COPG2: variants seen among roughly 807,000 people sequenced by gnomAD.
The protein encoded by COPG2 is coatomer subunit gamma-2.
In COPG2, 37 loss-of-function variants were observed where a neutral mutation model predicts 46.3. The observed-to-expected ratio is 0.80, with a 90% confidence interval of 0.61 to 1.05. COPG2 has a LOEUF of 1.05. COPG2 is among the 50% of genes least tolerant of loss of function. The pLI is 0.00. For missense variants in COPG2, 427 were observed against 387.8 expected, an observed-to-expected ratio of 1.10 and a Z score of -0.85; for synonymous variants, 159 against 129.7, an observed-to-expected ratio of 1.23 and a Z score of -1.53.
At chr7:130,524,431 T>G (rs1799755329) in intron 20 of COPG2, among the ~76,000 whole-genome samples, 1 of 152,098 alleles carries the variant, frequency 6.6e-6, no homozygotes, top group Admixed American at 6.6e-5. Context: ...CCCCAGGGGC[T>G]GACTGCTGGG....
intron 9 of COPG2, among the ~76,000 whole-genome samples, chr7:130,565,160 T>A (rs1376541971): frequency 6.6e-6 from 1 of 152,230 alleles, no homozygotes; most frequent in Non-Finnish European, 1.5e-5. Context: ...CTCCGCTCTC[T>A]AACCTTTGCT....
intron 20 of COPG2, chr7:130,509,040 CA>C (rs147902319): frequency 9.6e-4 from 393 of 410,262 alleles, no homozygotes; most frequent in East Asian, 2.2e-3. Flanking sequence ...AAAAAAAAAA[CA>C]AAAAAAAAAC....
At chr7:130,597,026 C>T (rs1794541384) in intron 9 of COPG2, among the ~76,000 whole-genome samples, 1 of 152,202 alleles carries the variant, frequency 6.6e-6, no homozygotes, top group South Asian at 2.1e-4. Flanking sequence ...CTTCACGGCT[C>T]TTTATCAGAA....
intron 5 of COPG2, among the ~76,000 whole-genome samples, chr7:130,649,826 T>C (rs1795701871): frequency 1.3e-5 from 2 of 152,234 alleles, no homozygotes; most frequent in Non-Finnish European, 2.9e-5. Context: ...TTTTTAGGTA[T>C]TTGTTACGGC....
intron 21 of COPG2, chr7:130,508,331 AAG>A (rs1424190331): frequency 2.4e-6 from 1 of 411,452 alleles, no homozygotes; most frequent in Non-Finnish European, 4.3e-6. Context: ...AAAGAAAAAA[AAG>A]GGTGAGTTTG....
intron 20 of COPG2, chr7:130,510,068 A>G: frequency 3.8e-6 from 2 of 519,928 alleles, no homozygotes; most frequent in Non-Finnish European, 3.8e-6. Flanking sequence ...TTGTATTTCA[A>G]ATGATTTTCC....
At chr7:130,540,264 A>C (rs1309404358) in intron 20 of COPG2, among the ~76,000 whole-genome samples, 2 of 152,264 alleles carry the variant, frequency 1.3e-5, no homozygotes, top group African/African-American at 4.8e-5. Flanking sequence ...TAGCCGTCTA[A>C]ATCCACCGAA....
At position 130,593,951 on chromosome 7, in the gene COPG2, T is replaced by TA. The variant is rs372355427; in HGVS notation, c.737+17001dup. Among the ~76,000 whole-genome samples the TA allele has an allele frequency of 3.5e-3, 528 of 152,232 alleles. 2 individuals are homozygous for TA. The highest frequency in any genetic ancestry group is 0.012 in the African/African-American group (501 of 41,546). On this transcript the variant is annotated intron_variant, in intron 9 of 23. Transcript: ENST00000425248. Reference sequence around the variant, plus strand: ...CTGATAAATGTGACTACCTTACACTTACGGAGCTCTGTTCATCAAAAGACA... The same window carrying TA: ...CTGATAAATGTGACTACCTTACACTTAACGGAGCTCTGTTCATCAAAAGACA...
chr7:130,642,645 G>C (rs1795515872), intron 5 of COPG2, among the ~76,000 whole-genome samples: 1 of 152,132 alleles, frequency 6.6e-6, no homozygotes, highest in Non-Finnish European at 1.5e-5. Flanking sequence ...CTTCTTCTTT[G>C]ATGAGCATTT....
intron 5 of COPG2, among the ~76,000 whole-genome samples, chr7:130,632,823 C>A (rs1795256363): frequency 6.6e-6 from 1 of 151,994 alleles, no homozygotes; most frequent in African/African-American, 2.4e-5. Context: ...TATACATGTG[C>A]CACGGTGGTT....
intron 20 of COPG2, among the ~76,000 whole-genome samples, chr7:130,538,510 G>C (rs1799906279): frequency 6.6e-6 from 1 of 152,134 alleles, no homozygotes; most frequent in Non-Finnish European, 1.5e-5. Context: ...CAACCCATAG[G>C]ATTACGGTAG....
intron 4 of COPG2, among the ~76,000 whole-genome samples, chr7:130,659,355 A>AAAAAAAAAAACAAAC (rs1554460332): frequency 1.6e-5 from 1 of 63,782 alleles, no homozygotes; most frequent in African/African-American, 5.1e-5. Flanking sequence ...ACTCCGTCTC[A>AAAAAAAAAAACAAAC]AAAAAAAAAA....
At chr7:130,509,467 T>G (rs896305099) in intron 20 of COPG2, 1 of 378,512 alleles carries the variant, frequency 2.6e-6, no homozygotes, top group African/African-American at 2.1e-5. Flanking sequence ...AAATATTAGA[T>G]ATTGGGAGAG....
chr7:130,509,746 GGGC>G (rs782746840), intron 20 of COPG2: 1 of 519,228 alleles, frequency 1.9e-6, no homozygotes, highest in Non-Finnish European at 3.9e-6. Flanking sequence ...ATAAGTGTGT[GGGC>G]TGTGTGTGTG....
chr7:130,641,067 T>C (rs542997715), intron 5 of COPG2, among the ~76,000 whole-genome samples: 142 of 148,710 alleles, frequency 9.5e-4, no homozygotes, highest in African/African-American at 3.3e-3. Context: ...AGGCTAGGGG[T>C]AGTGGCTCTC....
chr7:130,513,933 T>C (rs1799652281), intron 20 of COPG2, among the ~76,000 whole-genome samples: 2 of 151,832 alleles, frequency 1.3e-5, no homozygotes, highest in Non-Finnish European at 2.9e-5. Flanking sequence ...GCCCCATAAG[T>C]GTAAGATTAA....
At chr7:130,660,325 C>T (rs1297010026) in intron 4 of COPG2, among the ~76,000 whole-genome samples, 1 of 152,198 alleles carries the variant, frequency 6.6e-6, no homozygotes, top group Non-Finnish European at 1.5e-5. Flanking sequence ...CCCTTCTAAT[C>T]AGCGCCATTA....
intron 9 of COPG2, among the ~76,000 whole-genome samples, chr7:130,583,959 C>CTATG (rs1794214324): frequency 6.6e-6 from 1 of 151,604 alleles, no homozygotes; most frequent in Non-Finnish European, 1.5e-5. Flanking sequence ...CGAACTCATT[C>CTATG]TATGAAGCCA....
intron 20 of COPG2, 34 bp from the exon 21 acceptor site, chr7:130,508,693 G>A: frequency 2.7e-6 from 2 of 728,350 alleles, no homozygotes; most frequent in Non-Finnish European, 2.6e-6. Context: ...TGCATCAGTG[G>A]GGAGTGCAAG....
Sources: gnomAD v4.1 joint callset for allele counts (sites outside exome capture counted in the v4.1 genomes callset) on GRCh38, gnomAD v4.1.1 for gene constraint, MANE v1.5 for transcripts, NCBI Gene and HGNC (gene_info 2026-07-23, HGNC 2026-07-21) for gene names.